The following PPM1G variants were observed in gnomAD, a reference collection of about 807,000 sequenced individuals.
PPM1G encodes protein phosphatase 1G.
A neutral mutation model predicts 59.4 loss-of-function variants in PPM1G; 12 were observed. That is an observed-to-expected ratio of 0.20 (90% CI 0.13 to 0.33). The LOEUF (loss-of-function observed/expected upper bound fraction) is 0.33, where lower values mean the gene tolerates loss of function less well. Ranked by LOEUF, PPM1G falls within the 10% of genes least tolerant of loss-of-function variation. The pLI is 1.00. For missense variants in PPM1G, 392 were observed against 681.3 expected (o/e 0.58, Z 4.73); for synonymous variants, 245 against 251.9 (o/e 0.97, Z 0.26).
chr2:27,397,538 C>CA (rs1684080921), intron 1 of PPM1G, among the ~76,000 whole-genome samples: 1 of 151,928 alleles, frequency 6.6e-6, no homozygotes, highest in Non-Finnish European at 1.5e-5. Context: ...GTTTAACATT[C>CA]AAAAAAATCA....
intron 1 of PPM1G, among the ~76,000 whole-genome samples, chr2:27,403,884 A>AAG (rs1171788373): frequency 2.0e-5 from 3 of 152,062 alleles, no homozygotes; most frequent in Admixed American, 2.0e-4. Context: ...AAAAAAAAAA[A>AAG]AGAGAGAGAG....
chr2:27,386,041 A>C, intron 3 of PPM1G, 153 bp downstream of exon 3: 1 of 1,242,560 alleles, frequency 8.0e-7, no homozygotes. Flanking sequence ...GGCAAGTCTA[A>C]AAGGCGGCCA....
intron 1 of PPM1G, among the ~76,000 whole-genome samples, chr2:27,392,373 C>G (rs971375790): frequency 2.1e-5 from 3 of 144,602 alleles, no homozygotes; most frequent in Non-Finnish European, 3.0e-5. Context: ...CAGCTTACTA[C>G]AACCTCCGCA....
chr2:27,393,563 G>A (rs536958478), intron 1 of PPM1G, among the ~76,000 whole-genome samples: 25 of 152,202 alleles, frequency 1.6e-4, no homozygotes, highest in African/African-American at 5.8e-4. Flanking sequence ...GACCACTCTC[G>A]GCGAAGAACG....
At chr2:27,393,496 C>G (rs1359649602) in intron 1 of PPM1G, 3 of 721,116 alleles carry the variant, frequency 4.2e-6, no homozygotes, top group African/African-American at 3.5e-5. Context: ...GGGCGGCCGG[C>G]CGGGGTGCAG....
chr2:27,409,457 A>G lies in PPM1G; in HGVS notation c.-35T>C, dbSNP rs1391785189. On this transcript the variant is annotated 5_prime_UTR_variant, in exon 1 of 10. Coordinates refer to ENST00000344034, the MANE Select transcript of PPM1G (RefSeq NM_177983.3). ...TGGCCGGCGGCCTCAGGTGCAGGAA[A>G]GCTGGGCGCGACCCGTGCCGGAGCC... 8.8e-6 allele frequency: 13 copies of G among 1,474,074 alleles called. No individual in the cohort carries two copies. The highest frequency in any genetic ancestry group is 2.3e-4 in the Middle Eastern group (1 of 4,442). 91.3% of individuals were successfully genotyped at this position (1,474,074 alleles called of 1,614,324 possible). A position where few individuals can be genotyped will look rare whatever the true frequency, so the allele number is the denominator to read the frequency against.
intron 1 of PPM1G, among the ~76,000 whole-genome samples, chr2:27,408,517 C>T (rs1170647361): frequency 1.3e-5 from 2 of 152,000 alleles, no homozygotes; most frequent in Non-Finnish European, 2.9e-5. Flanking sequence ...CTAGAAAAGC[C>T]CTTTGTAGGT....
chr2:27,387,148 T>C lies in PPM1G; in HGVS notation c.131A>G (p.Asn44Ser), dbSNP rs1399779443. The part of the protein sequence containing the change: ...GWRVSMEDAH[N>S]CIPELDSETA... ...CTCACTGTCCAGCTCAGGAATACAG[T>C]TGTGAGCATCCTAGGAAAAGAAGAG... Residue 44 changes from asparagine to serine, a missense_variant, in exon 2 of 10, where the codon AAC becomes AGC. By Grantham distance (46) the Asn-to-Ser change is conservative. Around this residue, in one of 6 missense-constraint regions of PPM1G, gnomAD observed 68 missense variants for 145.9 expected, o/e 0.47. Transcript: ENST00000344034. 4 of 1,612,524 alleles carry C rather than the reference T, an allele frequency of 2.5e-6. No homozygotes were observed. The highest frequency in any genetic ancestry group is 2.7e-5 in the African/African-American group (2 of 74,972).
At chr2:27,386,029 A>C in intron 3 of PPM1G, 150 bp from the exon 4 acceptor site, 1 of 1,263,894 alleles carries the variant, frequency 7.9e-7, no homozygotes, top group Non-Finnish European at 1.1e-6. Flanking sequence ...TAGGAATAAT[A>C]AGGCAAGTCT....
At position 27,385,234 on chromosome 2, in the gene PPM1G, A is replaced by G; in HGVS notation, c.410-146T>C. ...CCTCTCGCTCAAGTCTCAGAAGAAC[A>G]TGCCCTAGCTCCTCCTCCTCCACAG... On this transcript the variant is annotated intron_variant, in intron 4 of 9. Transcript: ENST00000344034. The surrounding 1 kb of genome is among the most constrained non-coding windows in gnomAD (Gnocchi z 4.1). The G allele has an allele frequency of 1.1e-6, 1 of 890,664 alleles. No individual in the cohort carries two copies. Among genetic ancestry groups the G allele is most frequent in the Non-Finnish European group, 1.6e-6 (1 of 608,830 alleles). 55.2% of individuals were successfully genotyped at this position (890,664 alleles called of 1,614,324 possible).
chr2:27,395,318 G>C (rs1460577731), intron 1 of PPM1G, among the ~76,000 whole-genome samples: 1 of 151,818 alleles, frequency 6.6e-6, no homozygotes. Context: ...GATCACTTGA[G>C]GTCAGGAGTT....
At chr2:27,398,947 C>G (rs1684118123) in intron 1 of PPM1G, among the ~76,000 whole-genome samples, 1 of 151,932 alleles carries the variant, frequency 6.6e-6, no homozygotes, top group Non-Finnish European at 1.5e-5. Flanking sequence ...TAGTTCAAGA[C>G]CAGCCTGGCC....
chr2:27,395,743 C>A lies in PPM1G; in HGVS notation c.121-8585G>T, dbSNP rs1684037073. Among the ~76,000 whole-genome samples the A allele has an allele frequency of 2.0e-5, 3 of 150,712 alleles. No individual in the cohort carries two copies. In the South Asian group the frequency reaches 6.3e-4, roughly 31 times the overall value. On this transcript the variant is annotated intron_variant, in intron 1 of 9. Coordinates refer to ENST00000344034, the MANE Select transcript of PPM1G (RefSeq NM_177983.3). ...ACCTGCAGTCCCACCTATGTGGAGG[C>A]TGAGGTGGCAGGACTGCTTGAGCCC...
At chr2:27,403,407 T>C (rs1039611316) in intron 1 of PPM1G, among the ~76,000 whole-genome samples, 3 of 149,958 alleles carry the variant, frequency 2.0e-5, no homozygotes, top group Admixed American at 6.6e-5. Flanking sequence ...GATGGCACCA[T>C]TGCACTCCAG....
chr2:27,393,802 G>C (rs781290179), intron 1 of PPM1G, among the ~76,000 whole-genome samples: 1 of 151,594 alleles, frequency 6.6e-6, no homozygotes, highest in Non-Finnish European at 1.5e-5. Context: ...TCACTCTGTC[G>C]TCCAGGCTGG....
At chr2:27,399,366 A>G (rs763092026) in intron 1 of PPM1G, among the ~76,000 whole-genome samples, 1 of 152,168 alleles carries the variant, frequency 6.6e-6, no homozygotes, top group Non-Finnish European at 1.5e-5. Flanking sequence ...ATGTCCAATA[A>G]GCACATAAAA....
intron 1 of PPM1G, among the ~76,000 whole-genome samples, chr2:27,391,430 G>C (rs1683899603): frequency 6.6e-6 from 1 of 152,344 alleles, no homozygotes; most frequent in East Asian, 1.9e-4. Context: ...TTTGTCTGAT[G>C]ATTAGAAATG....
intron 1 of PPM1G, among the ~76,000 whole-genome samples, chr2:27,402,190 A>G (rs1372780941): frequency 1.3e-5 from 2 of 152,210 alleles, no homozygotes; most frequent in African/African-American, 2.4e-5. Flanking sequence ...AAACAACTAC[A>G]CTGAAATCAT....
intron 1 of PPM1G, among the ~76,000 whole-genome samples, chr2:27,388,308 G>A (rs1028647123): frequency 4.0e-5 from 6 of 151,672 alleles, no homozygotes; most frequent in African/African-American, 1.2e-4. Flanking sequence ...ACTCGGAAGG[G>A]TGAGGCAGGA....
Sources: allele counts gnomAD v4.1 joint callset (sites outside exome capture counted in the v4.1 genomes callset), GRCh38; gene constraint gnomAD v4.1.1; regional missense constraint gnomAD v4.1.1; non-coding constraint Gnocchi (gnomAD v3.1); transcripts MANE v1.5; gene names NCBI Gene and HGNC (gene_info 2026-07-23, HGNC 2026-07-21).